The following TTC29 variants were observed in gnomAD, a reference collection of about 807,000 sequenced individuals.
TTC29 encodes the protein tetratricopeptide repeat domain 29, also known as tetratricopeptide repeat protein 29.
In TTC29, 49 loss-of-function variants were observed where a neutral mutation model predicts 58.1. That is an observed-to-expected ratio of 0.84 (90% CI 0.67 to 1.07). The LOEUF (loss-of-function observed/expected upper bound fraction) is 1.07, where lower values mean the gene tolerates loss of function less well. TTC29 is among the 50% of genes least tolerant of loss of function. The pLI is 0.00. For missense variants in TTC29, 582 were observed against 555.6 expected (o/e 1.05, Z -0.48); for synonymous variants, 209 against 196.8 (o/e 1.06, Z -0.52).
At chr4:146,853,343 A>G (rs964188243) in intron 8 of TTC29, among the ~76,000 whole-genome samples, 4 of 152,140 alleles carry the variant, frequency 2.6e-5, no homozygotes, top group African/African-American at 9.7e-5. Context: ...ATGTATTTAT[A>G]TATAAGTAGG....
At chr4:146,904,123 A>G (rs1264782560) in intron 5 of TTC29, among the ~76,000 whole-genome samples, 1 of 152,210 alleles carries the variant, frequency 6.6e-6, no homozygotes, top group Non-Finnish European at 1.5e-5. Context: ...GAGATTCTAG[A>G]GATGGCAATG....
Position 146,761,319 on chromosome 4 carries a change from T to C in TTC29, c.1330+42138A>G, listed in dbSNP as rs115706354. ...GCAGCTACGTAGGTCTTTTTATCTTTTTTTACAGTTTAGGAAGTAACCCTG... is the reference window on the plus strand; with the variant it reads ...GCAGCTACGTAGGTCTTTTTATCTTCTTTTACAGTTTAGGAAGTAACCCTG... On this transcript the variant is annotated intron_variant, in intron 11 of 12. Transcript: ENST00000325106. Among the ~76,000 whole-genome samples, 810 of 152,074 alleles carry C rather than the reference T, an allele frequency of 5.3e-3. 3 individuals are homozygous for C. The highest frequency in any genetic ancestry group is 0.018 in the African/African-American group (766 of 41,530).
At chr4:146,723,257 A>G (rs1399669705) in intron 11 of TTC29, among the ~76,000 whole-genome samples, 1 of 152,126 alleles carries the variant, frequency 6.6e-6, no homozygotes, top group Admixed American at 6.6e-5. Flanking sequence ...AAAAAAAAAA[A>G]ATTAAATGTA....
intron 5 of TTC29, among the ~76,000 whole-genome samples, chr4:146,907,060 T>C (rs958563331): frequency 6.6e-6 from 1 of 152,208 alleles, no homozygotes; most frequent in Admixed American, 6.5e-5. Flanking sequence ...AGAAGGAGGT[T>C]GCAGTGAGCT....
At chr4:146,896,346 G>A (rs754694116) in intron 6 of TTC29, among the ~76,000 whole-genome samples, 3 of 152,008 alleles carry the variant, frequency 2.0e-5, no homozygotes, top group Admixed American at 1.3e-4. Flanking sequence ...CTCAAACTTT[G>A]TAGACTCTAC....
intron 11 of TTC29, among the ~76,000 whole-genome samples, chr4:146,721,084 A>C (rs931090641): frequency 1.3e-5 from 2 of 152,144 alleles, no homozygotes; most frequent in Admixed American, 6.5e-5. Context: ...AGAAGAAATG[A>C]GGTTTTTATG....
intron 4 of TTC29, among the ~76,000 whole-genome samples, chr4:146,918,837 T>G (rs1734401698): frequency 6.6e-6 from 1 of 151,110 alleles, no homozygotes; most frequent in East Asian, 1.9e-4. Flanking sequence ...ACGGTAGCTG[T>G]CGCACAGCAC....
chr4:146,849,771 T>A (rs1729401229), intron 8 of TTC29, among the ~76,000 whole-genome samples: 1 of 152,142 alleles, frequency 6.6e-6, no homozygotes, highest in Admixed American at 6.5e-5. Flanking sequence ...CCAGCCTTAC[T>A]GGCTCCAGGC....
chr4:146,871,986 A>T (rs1730964564), intron 7 of TTC29, among the ~76,000 whole-genome samples: 1 of 152,074 alleles, frequency 6.6e-6, no homozygotes, highest in African/African-American at 2.4e-5. Context: ...ACATTTCCCA[A>T]TTTCAAAACT....
chr4:146,885,200 G>A (rs114557467), intron 6 of TTC29, among the ~76,000 whole-genome samples: 1,818 of 151,822 alleles, frequency 0.012, 22 homozygotes, highest in Non-Finnish European at 0.017. Context: ...CCCTATAACT[G>A]ACCCAAAATA....
At position 146,721,950 on chromosome 4, in the gene TTC29, A is replaced by T. The variant is rs569208826; in HGVS notation, c.1331-14399T>A. 2.2e-4 allele frequency among the ~76,000 whole-genome samples: 33 copies of T among 152,298 alleles called. No homozygotes were observed. The South Asian group carries it at 6.6e-3, about 31-fold the overall frequency. On this transcript the variant is annotated intron_variant, in intron 11 of 12. Coordinates refer to ENST00000325106, the MANE Select transcript of TTC29 (RefSeq NM_031956.4). ...CAAAAGGCTCCTGGAACTGATAAAC[A>T]ACTTCAGTAAAGTTTCAGGATACAA...
rs139242491 is a variant in TTC29 at position 146,821,923 on chromosome 4, T to C, written c.978-1675A>G. Among the ~76,000 whole-genome samples the C allele has an allele frequency of 1.9e-3, 282 of 151,638 alleles. 2 individuals carry two copies. The Middle Eastern group carries it at 0.021, about 11-fold the overall frequency. On this transcript the variant is annotated intron_variant, in intron 9 of 12. Transcript: ENST00000325106. Reference sequence around the variant, plus strand: ...ATCAATTGTGACAGGTACTGACTTGTATACAGTGCTTTGAAACCTGGAGTA... The same window carrying C: ...ATCAATTGTGACAGGTACTGACTTGCATACAGTGCTTTGAAACCTGGAGTA...
intron 11 of TTC29, among the ~76,000 whole-genome samples, chr4:146,767,472 T>C (rs1747412818): frequency 6.6e-6 from 1 of 152,028 alleles, no homozygotes; most frequent in Non-Finnish European, 1.5e-5. Context: ...AGCTAACTAA[T>C]AATTCCCCTC....
chr4:146,734,397 C>A (rs1744566305), intron 11 of TTC29, among the ~76,000 whole-genome samples: 1 of 152,142 alleles, frequency 6.6e-6, no homozygotes, highest in Non-Finnish European at 1.5e-5. Flanking sequence ...TCATCTGTAA[C>A]ATTTGCAATG....
intron 11 of TTC29, among the ~76,000 whole-genome samples, chr4:146,712,077 T>C (rs1742536251): frequency 6.6e-6 from 1 of 152,062 alleles, no homozygotes; most frequent in Non-Finnish European, 1.5e-5. Context: ...ATGATGGTTG[T>C]ATAGGTTCAC....
At chr4:146,724,707 T>C (rs896487415) in intron 11 of TTC29, among the ~76,000 whole-genome samples, 6 of 151,948 alleles carry the variant, frequency 3.9e-5, no homozygotes, top group Admixed American at 3.9e-4. Flanking sequence ...AGAGACGGGG[T>C]TTCACCACGT....
At chr4:146,819,593 T>C (rs545585326) in intron 10 of TTC29, among the ~76,000 whole-genome samples, 1 of 152,300 alleles carries the variant, frequency 6.6e-6, no homozygotes, top group African/African-American at 2.4e-5. Context: ...TAATTTTATT[T>C]TGGACTTTTT....
intron 11 of TTC29, among the ~76,000 whole-genome samples, chr4:146,758,243 A>G (rs2150057899): frequency 6.6e-6 from 1 of 152,302 alleles, no homozygotes; most frequent in East Asian, 1.9e-4. Context: ...AGAGATGAAG[A>G]GGGACATTAT....
At chr4:146,903,047 T>C (rs1231525777) in intron 6 of TTC29, among the ~76,000 whole-genome samples, 2 of 152,180 alleles carry the variant, frequency 1.3e-5, no homozygotes, top group African/African-American at 4.8e-5. Context: ...TATCTATTTC[T>C]GACAATTTTG....
Sources: gnomAD v4.1 joint callset for allele counts (sites outside exome capture counted in the v4.1 genomes callset) on GRCh38, gnomAD v4.1.1 for gene constraint, MANE v1.5 for transcripts, NCBI Gene and HGNC (gene_info 2026-07-23, HGNC 2026-07-21) for gene names.